FER1L6: variants seen among roughly 807,000 people sequenced by gnomAD.
The protein encoded by FER1L6 is fer-1-like protein 6.
Under a neutral mutation model 219.2 loss-of-function variants are expected in FER1L6, and 177 were observed. The observed-to-expected ratio is 0.81, with a 90% CI of 0.71 to 0.91. The LOEUF is 0.91. Among genes scored for constraint, FER1L6 ranks in the 40% least tolerant of loss-of-function variants. FER1L6 has a pLI of 0.00. For missense variants in FER1L6, 2,153 were observed against 2,259.9 expected (o/e 0.95, Z 0.96); for synonymous variants, 768 against 824.3 (o/e 0.93, Z 1.17).
At chr8:123,926,453 G>T (rs996112719) in intron 1 of FER1L6, among the ~76,000 whole-genome samples, 2 of 152,182 alleles carry the variant, frequency 1.3e-5, no homozygotes, top group Non-Finnish European at 2.9e-5. Context: ...AGGTTGGCCT[G>T]CGGCCAGCTC....
intron 1 of FER1L6, among the ~76,000 whole-genome samples, chr8:123,906,673 G>A (rs1812958546): frequency 2.0e-5 from 3 of 151,868 alleles, no homozygotes; most frequent in Admixed American, 2.0e-4. Context: ...GGTGGTGTGT[G>A]CCTGTAGCCC....
At chr8:123,990,357 TC>T (rs756346285) in intron 12 of FER1L6, among the ~76,000 whole-genome samples, 40 of 152,338 alleles carry the variant, frequency 2.6e-4, no homozygotes, top group Non-Finnish European at 4.4e-4. Context: ...CTGTAAGCAT[TC>T]CCTTTTCACC....
intron 26 of FER1L6, among the ~76,000 whole-genome samples, chr8:124,066,010 C>A (rs192039644): frequency 3.2e-4 from 48 of 152,306 alleles, no homozygotes; most frequent in Non-Finnish European, 8.8e-5. Context: ...GTTGAGGAAA[C>A]TGAGAATTAC....
intron 1 of FER1L6, among the ~76,000 whole-genome samples, chr8:123,938,640 G>A (rs186429719): frequency 4.9e-4 from 74 of 150,176 alleles, no homozygotes; most frequent in Admixed American, 2.7e-3. Context: ...TCCACCTCCC[G>A]GGTTTATGCA....
At position 123,852,468 on chromosome 8, in the gene FER1L6, ATGCGTGTG is replaced by A. The variant is rs1337202538; in HGVS notation, c.-8+286_-8+293del. On this transcript the variant is annotated intron_variant, in intron 1 of 40. Transcript: ENST00000522917. This position sits in a 1 kb window ranked among gnomAD's most constrained non-coding sequence, Gnocchi z 4.9. ...GTTGCTTGAACTCCATGTTGTGAGC[ATGCGTGTG>A]TGTGTGTGTGTGTGTGTGTGTGTGT... Among the ~76,000 whole-genome samples, 12 of 100,632 alleles carry A rather than the reference ATGCGTGTG, an allele frequency of 1.2e-4. No homozygotes were observed. The highest frequency in any genetic ancestry group is 3.8e-4 in the South Asian group (1 of 2,650). The allele number at this position is 100,632 out of a possible 152,430, so 66.0% of individuals were successfully genotyped here. A position where few individuals can be genotyped will look rare whatever the true frequency, so the allele number is the denominator to read the frequency against.
chr8:123,904,258 G>GTGTGTGTGTA (rs1363190133), intron 1 of FER1L6, among the ~76,000 whole-genome samples: 16 of 151,238 alleles, frequency 1.1e-4, no homozygotes, highest in African/African-American at 3.9e-4. Flanking sequence ...GTGTGTGTGT[G>GTGTGTGTGTA]TGTGTGTGTG....
intron 1 of FER1L6, among the ~76,000 whole-genome samples, chr8:123,929,239 C>A (rs1042269737): frequency 6.6e-6 from 1 of 152,224 alleles, no homozygotes; most frequent in South Asian, 2.1e-4. Flanking sequence ...GCCCCATGCA[C>A]ATGCATGAGA....
chr8:123,920,445 G>A (rs1359161836), intron 1 of FER1L6, among the ~76,000 whole-genome samples: 2 of 152,216 alleles, frequency 1.3e-5, no homozygotes, highest in Admixed American at 1.3e-4. Context: ...ATGCTGGGCT[G>A]TGATGAAGAA....
intron 33 of FER1L6, among the ~76,000 whole-genome samples, chr8:124,088,707 G>C (rs115717360): frequency 0.036 from 5,444 of 152,044 alleles, 305 homozygotes; most frequent in African/African-American, 0.12. Context: ...GGGCTCTTTA[G>C]TCAGTAGGAA....
At chr8:123,933,576 TG>T (rs1167817617) in intron 1 of FER1L6, among the ~76,000 whole-genome samples, 1 of 152,288 alleles carries the variant, frequency 6.6e-6, no homozygotes, top group East Asian at 1.9e-4. Flanking sequence ...GGTCTGAGTG[TG>T]TTGGTGATGA....
intron 13 of FER1L6, among the ~76,000 whole-genome samples, chr8:124,006,639 G>A (rs1481498844): frequency 2.6e-5 from 4 of 152,162 alleles, no homozygotes; most frequent in Non-Finnish European, 4.4e-5. Context: ...TATTTACTAG[G>A]CTGGAGCTCC....
rs1200724947 is a variant in FER1L6 at position 123,953,589 on chromosome 8, C to T, written c.-7-2403C>T. Among the ~76,000 whole-genome samples the T allele has an allele frequency of 7.2e-5, 11 of 152,304 alleles. No homozygotes were observed. In the East Asian group the frequency reaches 1.9e-3, roughly 27 times the overall value. The stretch of plus-strand genomic sequence containing the variant: ...CATGCCCCAATGCATCAGGCGCTGG[C>T]TTCCCTACAGGAGAACTCAGAACGC... On this transcript the variant is annotated intron_variant, in intron 1 of 40. Coordinates refer to ENST00000522917, the MANE Select transcript of FER1L6 (RefSeq NM_001039112.2).
chr8:124,080,509 GGTTTCA>G lies in FER1L6; in HGVS notation c.4221-1778_4221-1773del, dbSNP rs1821494182. 7.2e-5 allele frequency among the ~76,000 whole-genome samples: 11 copies of G among 152,158 alleles called. No homozygotes were observed. In the South Asian group the frequency reaches 2.3e-3, roughly 32 times the overall value. On this transcript the variant is annotated intron_variant, in intron 32 of 40. Coordinates refer to ENST00000522917, the MANE Select transcript of FER1L6 (RefSeq NM_001039112.2). ...ATTTTTGTATTTTTAGTAGAGACAG[GGTTTCA>G]CCATGTTGGCCAGGCTTGTCTCGAA...
intron 32 of FER1L6, among the ~76,000 whole-genome samples, chr8:124,079,136 CTGTCTCTG>C (rs982716791): frequency 1.2e-4 from 19 of 152,176 alleles, no homozygotes; most frequent in African/African-American, 4.6e-4. Flanking sequence ...CTGTGCACAT[CTGTCTCTG>C]TGCCAAGTTT....
chr8:123,928,828 G>A (rs1367870358), intron 1 of FER1L6, among the ~76,000 whole-genome samples: 3 of 152,172 alleles, frequency 2.0e-5, no homozygotes, highest in Non-Finnish European at 4.4e-5. Context: ...GTAGAATAGG[G>A]TTATTTGCCA....
intron 19 of FER1L6, 90 bp from the exon 20 acceptor site, chr8:124,039,792 A>G (rs1267979286): frequency 1.3e-6 from 2 of 1,535,282 alleles, no homozygotes; most frequent in African/African-American, 1.4e-5. Flanking sequence ...CTGTGGATAC[A>G]TAGATGGACA....
chr8:124,060,153 C>T (rs956868915), intron 22 of FER1L6, 27 bp from the exon 23 acceptor site: 6 of 1,569,424 alleles, frequency 3.8e-6, no homozygotes, highest in Non-Finnish European at 1.8e-6. Context: ...TCTCCAGCAT[C>T]TAACTCATAC....
intron 39 of FER1L6, among the ~76,000 whole-genome samples, chr8:124,110,856 A>ATATT (rs965649308): frequency 1.3e-5 from 2 of 152,116 alleles, no homozygotes; most frequent in African/African-American, 4.8e-5. Context: ...TTTTTTAAAC[A>ATATT]TATTTATTTT....
intron 13 of FER1L6, among the ~76,000 whole-genome samples, chr8:124,009,011 C>T (rs1817792465): frequency 1.3e-5 from 2 of 151,822 alleles, no homozygotes; most frequent in South Asian, 4.2e-4. Context: ...CAAGAATGAC[C>T]ATTATCAAAA....
Sources: gnomAD v4.1 joint callset for allele counts (sites outside exome capture counted in the v4.1 genomes callset) on GRCh38, gnomAD v4.1.1 for gene constraint, Gnocchi (gnomAD v3.1) non-coding constraint, MANE v1.5 for transcripts, NCBI Gene and HGNC (gene_info 2026-07-23, HGNC 2026-07-21) for gene names.